Variants in EPRS1 observed in about 807,000 individuals in gnomAD.
EPRS1 encodes the protein bifunctional glutamate/proline--tRNA ligase.
In EPRS1, 107 loss-of-function variants were observed where a neutral mutation model predicts 188.3. The ratio of observed to expected loss-of-function variants is 0.57; its 90% CI spans 0.49 to 0.67. The LOEUF is 0.67. Among genes scored for constraint, EPRS1 ranks in the 30% least tolerant of loss-of-function variants. EPRS1 has a pLI of 0.00. For missense variants in EPRS1, 1,577 were observed against 1,802.2 expected (o/e 0.88, Z 2.26); for synonymous variants, 596 against 593.1 (o/e 1.00, Z -0.07).
intron 28 of EPRS1, among the ~76,000 whole-genome samples, chr1:219,975,047 G>A (rs1375312326): frequency 1.3e-5 from 2 of 152,144 alleles, no homozygotes; most frequent in Non-Finnish European, 2.9e-5. Flanking sequence ...AAATGCCTAT[G>A]TCATAAATGA....
At chr1:220,034,346 A>G (rs1283565139) in intron 3 of EPRS1, among the ~76,000 whole-genome samples, 1 of 152,184 alleles carries the variant, frequency 6.6e-6, no homozygotes, top group Non-Finnish European at 1.5e-5. Context: ...GGTGGGTAGT[A>G]GGCTATCCCC....
chr1:219,996,478 T>C (rs1661233974), intron 18 of EPRS1, among the ~76,000 whole-genome samples: 1 of 152,164 alleles, frequency 6.6e-6, no homozygotes, highest in African/African-American at 2.4e-5. Context: ...ATTCTCCACG[T>C]GCTCTGAATC....
At position 220,034,987 on chromosome 1, in the gene EPRS1, G is replaced by T; in HGVS notation, c.158C>A (p.Ser53Tyr). 1 of 1,593,036 alleles carries T rather than the reference G, an allele frequency of 6.3e-7. No individual in the cohort carries two copies. Among genetic ancestry groups the T allele is most frequent in the Non-Finnish European group, 8.6e-7 (1 of 1,167,380 alleles). Reference sequence around the variant, plus strand: ...AACTCTAGCCAAGTAGCGAAGTATAGAATTCACATCTGTGAATATCACATT... The same window carrying T: ...AACTCTAGCCAAGTAGCGAAGTATATAATTCACATCTGTGAATATCACATT... ...SENVIFTDVN[S>Y]ILRYLARVAT... The change falls in exon 3 of 32, where the codon TCT becomes TAT. Residue 53 changes from serine to tyrosine, a missense_variant. Around this residue, in one of 3 missense-constraint regions of EPRS1, gnomAD observed 1,278 missense variants for 1,457.4 expected, o/e 0.88. Transcript: ENST00000366923.
intron 2 of EPRS1, among the ~76,000 whole-genome samples, chr1:220,038,974 A>C (rs1010159934): frequency 1.3e-5 from 2 of 152,174 alleles, no homozygotes; most frequent in African/African-American, 2.4e-5. Context: ...GACTTAAGTC[A>C]ACTGCATTTC....
Position 220,024,358 on chromosome 1 carries a change from T to C in EPRS1, c.849A>G (p.Leu283=), listed in dbSNP as rs749183172. 20 of 1,613,252 alleles carry C rather than the reference T, an allele frequency of 1.2e-5. 1 individual carries two copies. In the South Asian group the frequency reaches 2.2e-4, roughly 18 times the overall value. Residue 283 remains leucine, a synonymous_variant, in exon 8 of 32, where the codon CTA becomes CTG. Transcript: ENST00000366923. ...FETIMKYAEK[L]IQEGKAYVDD... ...CCACATAAGCCTTCCCTTCTTGAAT[T>C]AGCTTCTCTGCATACTTCATTATAG...
rs770253160 is a variant in EPRS1, at chr1:220,020,095, G to C, written c.1242C>G (p.Gly414=). Residue 414 remains glycine, a synonymous_variant, in exon 10 of 32, where the codon GGC becomes GGG. Coordinates refer to ENST00000366923, the MANE Select transcript of EPRS1 (RefSeq NM_004446.3). The part of the protein sequence containing the change: ...EQFYWIIEAL[G]IRKPYIWEYS... The stretch of plus-strand genomic sequence containing the variant: ...ATTCCCAAATATATGGTTTTCTTAT[G>C]CCTAAAGCTTCAATAATCCAGTAAA... 6.2e-7 allele frequency: 1 copy of C among 1,613,770 alleles called. No homozygotes were observed. Among genetic ancestry groups the C allele is most frequent in the South Asian group, 1.1e-5 (1 of 91,074 alleles).
chr1:219,974,679 A>G lies in EPRS1; in HGVS notation c.4084-1281T>C, dbSNP rs1660741784. ...ACTTATTTTACAAAATGATATTTAA[A>G]AAAAAACCACAATGGAACCAACTGT... On this transcript the variant is annotated intron_variant, in intron 28 of 31. Transcript: ENST00000366923. 3.3e-5 allele frequency among the ~76,000 whole-genome samples: 5 copies of G among 152,316 alleles called. No individual in the cohort carries two copies. In the South Asian group the frequency reaches 1.0e-3, roughly 32 times the overall value.
At chr1:219,970,485 T>C (rs1174219933) in intron 30 of EPRS1, among the ~76,000 whole-genome samples, 1 of 152,028 alleles carries the variant, frequency 6.6e-6, no homozygotes. Flanking sequence ...CTATTAAAAG[T>C]AGGAAGTTTA....
chr1:220,011,739 A>G (rs1007820847), intron 12 of EPRS1, among the ~76,000 whole-genome samples: 2 of 152,206 alleles, frequency 1.3e-5, no homozygotes, highest in Non-Finnish European at 2.9e-5. Flanking sequence ...GCTCTAACCT[A>G]TTCTACTTCC....
At position 219,988,487 on chromosome 1, in the gene EPRS1, G is replaced by A. The variant is rs544387143; in HGVS notation, c.2775+103C>T. 7.1e-6 allele frequency: 5 copies of A among 707,036 alleles called. No homozygotes were observed. The East Asian group carries it at 1.3e-4, about 18-fold the overall frequency. The allele number at this position is 707,036 out of a possible 1,614,324, so 43.8% of individuals were successfully genotyped here. ...GTAAGAGAATTAAGAACTGAAATATGAGTAGAAGTTAGCCAGATTTGATGG... is the reference window on the plus strand; with the variant it reads ...GTAAGAGAATTAAGAACTGAAATATAAGTAGAAGTTAGCCAGATTTGATGG... On this transcript the variant is annotated intron_variant, in intron 19 of 31. Transcript: ENST00000366923.
intron 30 of EPRS1, among the ~76,000 whole-genome samples, chr1:219,970,828 C>T (rs1417488530): frequency 6.8e-6 from 1 of 147,370 alleles, no homozygotes; most frequent in African/African-American, 2.5e-5. Context: ...CTACAGAAAC[C>T]AGAAAGGTGA....
rs1325705086 is a variant in EPRS1, at chr1:220,007,345, G to C, written c.1606-7C>G. On this transcript the variant is annotated splice_polypyrimidine_tract_variant and splice_region_variant and intron_variant, in intron 13 of 31. Coordinates refer to ENST00000366923, the MANE Select transcript of EPRS1 (RefSeq NM_004446.3). ...TCAAGCCAACCTCAGGATTCTGATT[G>C]ATAAAGAAAAGCAGAGTGTCTGTTG... is the stretch of plus-strand genomic sequence containing the variant. 6.2e-7 allele frequency: 1 copy of C among 1,601,158 alleles called. No homozygotes were observed. Among genetic ancestry groups the C allele is most frequent in the Non-Finnish European group, 8.5e-7 (1 of 1,176,444 alleles).
At position 219,981,470 on chromosome 1, in the gene EPRS1, G is replaced by A; in HGVS notation, c.3374-13C>T. The stretch of plus-strand genomic sequence containing the variant: ...GCAGGATACATTACTGAAAGACACG[G>A]GAAAATAGAGACAGTCATTTAAGGC... On this transcript the variant is annotated splice_polypyrimidine_tract_variant and intron_variant, in intron 23 of 31. Coordinates refer to ENST00000366923, the MANE Select transcript of EPRS1 (RefSeq NM_004446.3). 6.5e-7 allele frequency: 1 copy of A among 1,550,300 alleles called. No individual in the cohort carries two copies. The highest frequency in any genetic ancestry group is 8.8e-7 in the Non-Finnish European group (1 of 1,135,650).
At chr1:219,990,672 A>G (rs551031890) in intron 18 of EPRS1, among the ~76,000 whole-genome samples, 15 of 152,210 alleles carry the variant, frequency 9.9e-5, no homozygotes, top group Non-Finnish European at 1.9e-4. Context: ...TTTTAATCCT[A>G]GTAACATGCT....
chr1:220,005,816 C>T (rs1378888361), intron 15 of EPRS1, among the ~76,000 whole-genome samples: 3 of 122,824 alleles, frequency 2.4e-5, no homozygotes, highest in Non-Finnish European at 4.7e-5. Flanking sequence ...TTACTTACAT[C>T]GTTTTTTTTT....
At chr1:220,008,049 G>C (rs1434151688) in intron 13 of EPRS1, among the ~76,000 whole-genome samples, 1 of 150,424 alleles carries the variant, frequency 6.6e-6, no homozygotes, top group African/African-American at 2.5e-5. Flanking sequence ...AGAGGCTGCA[G>C]TGAGCCGAGA....
At chr1:219,975,273 G>A (rs1462035565) in intron 28 of EPRS1, among the ~76,000 whole-genome samples, 1 of 152,164 alleles carries the variant, frequency 6.6e-6, no homozygotes, top group Non-Finnish European at 1.5e-5. Flanking sequence ...CATTCACGCA[G>A]AGGAGGGGGT....
At chr1:219,976,749 G>A (rs1477398416) in intron 28 of EPRS1, among the ~76,000 whole-genome samples, 2 of 152,108 alleles carry the variant, frequency 1.3e-5, no homozygotes, top group Non-Finnish European at 1.5e-5. Flanking sequence ...GCATATGAAA[G>A]GGGATAATGA....
At chr1:220,005,826 TTTG>T (rs1310997017) in intron 15 of EPRS1, among the ~76,000 whole-genome samples, 2 of 38,924 alleles carry the variant, frequency 5.1e-5, no homozygotes, top group East Asian at 1.4e-3. Flanking sequence ...CGTTTTTTTT[TTTG>T]TTTTTTTTTT....
Sources: gnomAD v4.1 joint callset for allele counts (sites outside exome capture counted in the v4.1 genomes callset) on GRCh38, gnomAD v4.1.1 for gene constraint, gnomAD v4.1.1 regional missense constraint, MANE v1.5 for transcripts, NCBI Gene and HGNC (gene_info 2026-07-23, HGNC 2026-07-21) for gene names.